Variants in KCND2 observed in about 807,000 individuals in gnomAD.
KCND2 encodes A-type voltage-gated potassium channel KCND2.
A neutral mutation model predicts 54.4 loss-of-function variants in KCND2; 16 were observed. The observed-to-expected ratio is 0.29, with a 90% confidence interval of 0.20 to 0.45. KCND2 has a LOEUF of 0.45. Among genes scored for constraint, KCND2 ranks in the 20% least tolerant of loss-of-function variants. The pLI is 1.00. For synonymous variants in KCND2, 317 were observed against 310.7 expected, an observed-to-expected ratio of 1.02 and a Z score of -0.21; for missense variants, 486 against 824.2, an observed-to-expected ratio of 0.59 and a Z score of 5.02.
chr7:120,450,864 C>T (rs1802094901), intron 1 of KCND2, among the ~76,000 whole-genome samples: 1 of 152,158 alleles, frequency 6.6e-6, no homozygotes, highest in Admixed American at 6.5e-5. Flanking sequence ...TCCTACTCAG[C>T]CTTCCCTTAA....
intron 1 of KCND2, among the ~76,000 whole-genome samples, chr7:120,583,209 C>T (rs1244579705): frequency 5.3e-5 from 8 of 152,008 alleles, no homozygotes; most frequent in Non-Finnish European, 1.2e-4. Flanking sequence ...TTCAGATCTC[C>T]ACTCAGACCA....
rs148702387 is a variant in KCND2, at chr7:120,702,489, G to A, written c.1116-30414G>A. Among the ~76,000 whole-genome samples the A allele has an allele frequency of 7.8e-3, 1,193 of 152,226 alleles. 12 individuals are homozygous for A. Among genetic ancestry groups the A allele is most frequent in the African/African-American group, 0.027 (1,114 of 41,542 alleles). Reference sequence around the variant, plus strand: ...CATTCTCTCATAAAGACACATGCACGTGAATGTTTATTGCAGCACTATTCA... The same window carrying A: ...CATTCTCTCATAAAGACACATGCACATGAATGTTTATTGCAGCACTATTCA... On this transcript the variant is annotated intron_variant, in intron 1 of 5. Coordinates refer to ENST00000331113, the MANE Select transcript of KCND2 (RefSeq NM_012281.3).
chr7:120,741,075 G>A (rs1449049233), intron 2 of KCND2, among the ~76,000 whole-genome samples: 2 of 151,478 alleles, frequency 1.3e-5, no homozygotes, highest in Admixed American at 1.3e-4. Flanking sequence ...AAGGAAGGAA[G>A]GAAGGCAATC....
At chr7:120,285,430 A>G (rs1278496495) in intron 1 of KCND2, among the ~76,000 whole-genome samples, 1 of 151,986 alleles carries the variant, frequency 6.6e-6, no homozygotes, top group African/African-American at 2.4e-5. Flanking sequence ...CTTTTTGTTC[A>G]TATTGTCTAT....
rs572130747 is a variant in KCND2 at position 120,656,443 on chromosome 7, T to C, written c.1116-76460T>C. Reference sequence around the variant, plus strand: ...ACTATTTCCTTTTATAATTCGTCACTGTAAAGCAAATGTCTAAATTGGAAA... The same window carrying C: ...ACTATTTCCTTTTATAATTCGTCACCGTAAAGCAAATGTCTAAATTGGAAA... On this transcript the variant is annotated intron_variant, in intron 1 of 5. Transcript: ENST00000331113. Among the ~76,000 whole-genome samples, 4 of 152,340 alleles carry C rather than the reference T, an allele frequency of 2.6e-5. No individual in the cohort carries two copies. In the South Asian group the frequency reaches 8.3e-4, roughly 32 times the overall value.
chr7:120,649,376 T>G (rs972806139), intron 1 of KCND2, among the ~76,000 whole-genome samples: 1 of 152,150 alleles, frequency 6.6e-6, no homozygotes, highest in Non-Finnish European at 1.5e-5. Flanking sequence ...AGTAAGACTA[T>G]AATGCTCAAA....
chr7:120,674,350 A>G (rs1369239224), intron 1 of KCND2, among the ~76,000 whole-genome samples: 6 of 150,734 alleles, frequency 4.0e-5, no homozygotes. Flanking sequence ...TTAGTTCCCT[A>G]TCACACTAGC....
chr7:120,493,078 C>T (rs758551576), intron 1 of KCND2, among the ~76,000 whole-genome samples: 4 of 151,958 alleles, frequency 2.6e-5, no homozygotes, highest in Non-Finnish European at 5.9e-5. Context: ...CCTTGGGTGA[C>T]ACTAATGCCT....
intron 1 of KCND2, among the ~76,000 whole-genome samples, chr7:120,416,538 A>G (rs963438119): frequency 2.0e-5 from 3 of 152,212 alleles, no homozygotes; most frequent in African/African-American, 7.2e-5. Flanking sequence ...TCCAATGATA[A>G]AATTCCATGG....
chr7:120,340,768 G>A (rs1264619640), intron 1 of KCND2, among the ~76,000 whole-genome samples: 1 of 152,130 alleles, frequency 6.6e-6, no homozygotes, highest in Non-Finnish European at 1.5e-5. Context: ...AATTGTAAGA[G>A]GATGGAACTA....
At chr7:120,348,494 A>G (rs1800356917) in intron 1 of KCND2, among the ~76,000 whole-genome samples, 1 of 152,246 alleles carries the variant, frequency 6.6e-6, no homozygotes, top group African/African-American at 2.4e-5. Context: ...ATATATCTTG[A>G]CAAAGGCTAC....
chr7:120,643,510 T>C (rs1205814631), intron 1 of KCND2, among the ~76,000 whole-genome samples: 1 of 152,126 alleles, frequency 6.6e-6, no homozygotes. Flanking sequence ...TGTTTCATTT[T>C]GAATGTTTAT....
intron 1 of KCND2, among the ~76,000 whole-genome samples, chr7:120,530,498 A>G (rs1473266651): frequency 6.6e-6 from 1 of 152,140 alleles, no homozygotes; most frequent in Non-Finnish European, 1.5e-5. Flanking sequence ...TTGCTTCCAA[A>G]GACATCATCT....
rs373964522 is a variant in KCND2, at chr7:120,426,592, T to C, written c.1115+150845T>C. Among the ~76,000 whole-genome samples, 248 of 143,334 alleles carry C rather than the reference T, an allele frequency of 1.7e-3. 2 individuals carry two copies. The highest frequency in any genetic ancestry group is 3.5e-3 in the Middle Eastern group (1 of 288). The allele number at this position is 143,334 out of a possible 152,430, so 94.0% of individuals were successfully genotyped here. A position where few individuals can be genotyped will look rare whatever the true frequency, so the allele number is the denominator to read the frequency against. On this transcript the variant is annotated intron_variant, in intron 1 of 5. Coordinates refer to ENST00000331113, the MANE Select transcript of KCND2 (RefSeq NM_012281.3). ...TTTTTTGTGGGGTTTTTCTTTGTTT[T>C]TTTTTTTTTTTTTTTGAGATGGAGT...
intron 1 of KCND2, among the ~76,000 whole-genome samples, chr7:120,458,170 T>G (rs576140338): frequency 1.3e-5 from 2 of 152,298 alleles, no homozygotes; most frequent in African/African-American, 4.8e-5. Context: ...GCAGAACTAA[T>G]TTCATAAAGA....
At chr7:120,351,639 G>A (rs1231314405) in intron 1 of KCND2, among the ~76,000 whole-genome samples, 1 of 151,986 alleles carries the variant, frequency 6.6e-6, no homozygotes, top group Non-Finnish European at 1.5e-5. Context: ...TTATATAAAT[G>A]TAGACCTGGT....
At chr7:120,677,069 A>T (rs1194428223) in intron 1 of KCND2, among the ~76,000 whole-genome samples, 1 of 152,192 alleles carries the variant, frequency 6.6e-6, no homozygotes, top group Non-Finnish European at 1.5e-5. Context: ...AGTAACTTGA[A>T]AACTGCTATT....
At chr7:120,592,603 A>C (rs544259666) in intron 1 of KCND2, among the ~76,000 whole-genome samples, 1 of 152,328 alleles carries the variant, frequency 6.6e-6, no homozygotes, top group Admixed American at 6.5e-5. Context: ...TATTTGAAAA[A>C]GTTTTCTTTG....
chr7:120,636,025 T>C (rs1287798309), intron 1 of KCND2, among the ~76,000 whole-genome samples: 2 of 152,160 alleles, frequency 1.3e-5, no homozygotes, highest in African/African-American at 4.8e-5. Context: ...AACTGTGGCC[T>C]TCCTGCTCCA....
Sources: gnomAD v4.1 joint callset for allele counts (sites outside exome capture counted in the v4.1 genomes callset) on GRCh38, gnomAD v4.1.1 for gene constraint, MANE v1.5 for transcripts, NCBI Gene and HGNC (gene_info 2026-07-23, HGNC 2026-07-21) for gene names.